PAQR3: variants seen among roughly 807,000 people sequenced by gnomAD.
PAQR3 encodes Raf kinase trapping to Golgi.
In PAQR3, 39 loss-of-function variants were observed where a neutral mutation model predicts 41.7. That is an observed-to-expected ratio of 0.93 (90% CI 0.72 to 1.22). PAQR3 has a LOEUF of 1.22. PAQR3 is among the 50% of genes most tolerant of loss of function. The pLI is 0.00. For missense variants in PAQR3, 366 were observed against 385.6 expected, an observed-to-expected ratio of 0.95 and a Z score of 0.42; for synonymous variants, 140 against 140.6, an observed-to-expected ratio of 1.00 and a Z score of 0.03.
chr4:78,911,926 C>G lies in PAQR3; in HGVS notation c.*8613G>C, dbSNP rs771720782. ...GAAAATGGATGATTTTGGTGCCGTG[C>G]CCTTTACAGAACTTGTGGTGCAAAG... On this transcript the variant is annotated 3_prime_UTR_variant, in exon 6 of 6. Coordinates refer to ENST00000512733, the MANE Select transcript of PAQR3 (RefSeq NM_001040202.2). 13 of 1,613,968 alleles carry G rather than the reference C, an allele frequency of 8.1e-6. No individual in the cohort carries two copies. The highest frequency in any genetic ancestry group is 1.1e-5 in the Non-Finnish European group (13 of 1,179,878).
At chr4:78,910,913 T>G (rs1309342314), downstream of PAQR3, 1 of 1,613,942 alleles carries the variant, frequency 6.2e-7, no homozygotes, top group Non-Finnish European at 8.5e-7. Flanking sequence ...CCTCTCCTCA[T>G]GGATTCTGAA....
intron 1 of PAQR3, among the ~76,000 whole-genome samples, chr4:78,938,620 T>C (rs1381069128): frequency 6.6e-6 from 1 of 152,138 alleles, no homozygotes; most frequent in Admixed American, 6.5e-5. Context: ...CGGGTGTATA[T>C]GTTAACTTGT....
intron 2 of PAQR3, among the ~76,000 whole-genome samples, 191 bp downstream of exon 2, chr4:78,934,930 T>C (rs1395657147): frequency 6.6e-6 from 1 of 152,192 alleles, no homozygotes; most frequent in Non-Finnish European, 1.5e-5. Context: ...TCTTTGTAAT[T>C]TAATGGATTT....
intron 3 of PAQR3, among the ~76,000 whole-genome samples, chr4:78,929,394 T>A (rs914036054): frequency 6.6e-6 from 1 of 152,238 alleles, no homozygotes; most frequent in East Asian, 1.9e-4. Flanking sequence ...TGAGATGTAC[T>A]GAAACCATGG....
chr4:78,906,355 T>TA (rs923943692), intron 10 of PAQR3, among the ~76,000 whole-genome samples: 16 of 152,134 alleles, frequency 1.1e-4, no homozygotes, highest in Admixed American at 9.2e-4. Context: ...ATTTTAGTTT[T>TA]ATGTAGGGGG....
At chr4:78,903,744 T>G (rs181363318) in intron 11 of PAQR3, among the ~76,000 whole-genome samples, 233 of 151,932 alleles carry the variant, frequency 1.5e-3, no homozygotes, top group Middle Eastern at 6.8e-3. Context: ...AACAAAAGAG[T>G]CTTCATCCTG....
Position 78,920,674 on chromosome 4 carries a change from T to G in PAQR3, c.801A>C (p.Leu267=). ...TTTGGTGGCTTGATCCGAGGTAGTT[T>G]AGTTGTCCTGGAAAGAAGGTAGAAA... The part of the protein sequence containing the change: ...KVPERYFPGQ[L]NYLGSSHQIW... Residue 267 remains leucine (L), a synonymous_variant, in exon 6 of 6, where the codon CTA becomes CTC. Coordinates refer to ENST00000512733, the MANE Select transcript of PAQR3 (RefSeq NM_001040202.2). The G allele has an allele frequency of 6.2e-7, 1 of 1,604,178 alleles. No homozygotes were observed. Among genetic ancestry groups the G allele is most frequent in the Middle Eastern group, 1.7e-4 (1 of 6,004 alleles).
chr4:78,930,505 G>A (rs1578029585), intron 2 of PAQR3, 180 bp from the exon 3 acceptor site: 1 of 442,744 alleles, frequency 2.3e-6, no homozygotes, highest in Non-Finnish European at 3.8e-6. Flanking sequence ...GCCATGTAGA[G>A]CCATGAGGGA....
rs1470386389 is a variant in PAQR3 at position 78,918,130 on chromosome 4, T to C, written c.*2409A>G. Reference sequence around the variant, plus strand: ...ATTGCTAGACAATTTAAAACAGCCATAGATAATTTTAAAATGTAAAATCTG... The same window carrying C: ...ATTGCTAGACAATTTAAAACAGCCACAGATAATTTTAAAATGTAAAATCTG... On this transcript the variant is annotated 3_prime_UTR_variant, in exon 6 of 6. Transcript: ENST00000512733. The C allele has an allele frequency of 4.1e-6, 4 of 966,428 alleles. No individual in the cohort carries two copies. Among genetic ancestry groups the C allele is most frequent in the African/African-American group, 1.8e-5 (1 of 56,712 alleles). The allele number at this position is 966,428 out of a possible 1,614,324, so 59.9% of individuals were successfully genotyped here.
chr4:78,934,963 C>T (rs1737270517), intron 2 of PAQR3, among the ~76,000 whole-genome samples, 158 bp downstream of exon 2: 1 of 152,152 alleles, frequency 6.6e-6, no homozygotes, highest in African/African-American at 2.4e-5. Flanking sequence ...CATAAGAACA[C>T]ATCGTTTGGT....
At chr4:78,934,575 A>T (rs758547898) in intron 2 of PAQR3, among the ~76,000 whole-genome samples, 32 of 152,242 alleles carry the variant, frequency 2.1e-4, no homozygotes, top group Non-Finnish European at 3.8e-4. Flanking sequence ...TTCTTGAAAA[A>T]TGCCAGTGCT....
intron 4 of PAQR3, among the ~76,000 whole-genome samples, chr4:78,925,486 T>C (rs766774324): frequency 3.3e-5 from 5 of 152,158 alleles, no homozygotes; most frequent in Admixed American, 6.6e-5. Context: ...TCATCACCCT[T>C]GTCCTCACAT....
intron 11 of PAQR3, among the ~76,000 whole-genome samples, chr4:78,891,439 G>A (rs78273774): frequency 2.0e-5 from 3 of 152,116 alleles, no homozygotes; most frequent in East Asian, 3.8e-4. Context: ...TTTTCTTGCT[G>A]TATATGCTTT....
Position 78,920,293 on chromosome 4 carries a change from A to G in PAQR3, c.*246T>C. On this transcript the variant is annotated 3_prime_UTR_variant, in exon 6 of 6. Transcript: ENST00000512733. The stretch of plus-strand genomic sequence containing the variant: ...TTTCCCATTCATCGTTGTTATTCAG[A>G]TGTTTCTTATGATTGCCAACTAATT... 1 of 1,156,446 alleles carries G rather than the reference A, an allele frequency of 8.6e-7. No individual in the cohort carries two copies. Among genetic ancestry groups the G allele is most frequent in the Non-Finnish European group, 1.1e-6 (1 of 939,830 alleles). The allele number at this position is 1,156,446 out of a possible 1,614,324, so 71.6% of individuals were successfully genotyped here.
rs1317555311 is a variant in PAQR3 at position 78,913,716 on chromosome 4, A to G, written c.*6823T>C. On this transcript the variant is annotated 3_prime_UTR_variant, in exon 6 of 6. Coordinates refer to ENST00000512733, the MANE Select transcript of PAQR3 (RefSeq NM_001040202.2). Reference sequence around the variant, plus strand: ...AAAGAAGCAAAGTATATGTAACTAAACCACATATTTGTCTTTTTATTGCTT... The same window carrying G: ...AAAGAAGCAAAGTATATGTAACTAAGCCACATATTTGTCTTTTTATTGCTT... 1 of 152,136 alleles carries G rather than the reference A, an allele frequency of 6.6e-6. No individual in the cohort carries two copies. Among genetic ancestry groups the G allele is most frequent in the Non-Finnish European group, 1.5e-5 (1 of 67,988 alleles). 9.4% of individuals were successfully genotyped at this position (152,136 alleles called of 1,614,324 possible). A position where few individuals can be genotyped will look rare whatever the true frequency, so the allele number is the denominator to read the frequency against.
chr4:78,918,114 C>T lies in PAQR3; in HGVS notation c.*2425G>A. ...AACCACAACCATATAAATTGCTAGA[C>T]AATTTAAAACAGCCATAGATAATTT... On this transcript the variant is annotated 3_prime_UTR_variant, in exon 6 of 6. Coordinates refer to ENST00000512733, the MANE Select transcript of PAQR3 (RefSeq NM_001040202.2). 1 of 970,578 alleles carries T rather than the reference C, an allele frequency of 1.0e-6. No individual in the cohort carries two copies. The highest frequency in any genetic ancestry group is 1.2e-6 in the Non-Finnish European group (1 of 816,276). 60.1% of individuals were successfully genotyped at this position (970,578 alleles called of 1,614,324 possible). A position where few individuals can be genotyped will look rare whatever the true frequency, so the allele number is the denominator to read the frequency against.
chr4:78,920,856 A>C (rs757894579), intron 5 of PAQR3, among the ~76,000 whole-genome samples, 175 bp from the exon 6 acceptor site: 1 of 151,952 alleles, frequency 6.6e-6, no homozygotes, highest in South Asian at 2.1e-4. Flanking sequence ...TTTGGGTCTA[A>C]TTTTAAGGTT....
chr4:78,930,880 TTATA>T (rs147412098), intron 2 of PAQR3, among the ~76,000 whole-genome samples: 4,047 of 150,310 alleles, frequency 0.027, 137 homozygotes, highest in African/African-American at 0.077. Flanking sequence ...CATGCACACA[TTATA>T]TATATATATA....
At chr4:78,887,329 CAA>C (rs1733152008) in intron 12 of PAQR3, 1 of 1,338,338 alleles carries the variant, frequency 7.5e-7, no homozygotes, top group Non-Finnish European at 1.1e-6. Flanking sequence ...ATAAAACACA[CAA>C]GAACAACAGC....
Sources: allele counts gnomAD v4.1 joint callset (sites outside exome capture counted in the v4.1 genomes callset), GRCh38; gene constraint gnomAD v4.1.1; transcripts MANE v1.5; gene names NCBI Gene and HGNC (gene_info 2026-07-23, HGNC 2026-07-21).